GLT1D1: variants seen among roughly 807,000 people sequenced by gnomAD.
GLT1D1 encodes glycosyltransferase 1 domain containing 1.
A neutral mutation model predicts 28.7 loss-of-function variants in GLT1D1; 21 were observed. The observed-to-expected ratio is 0.73, with a 90% CI of 0.52 to 1.05. GLT1D1 has a LOEUF of 1.05. Ranked by LOEUF, GLT1D1 falls within the 50% of genes least tolerant of loss-of-function variation. The pLI is 0.00. For missense variants in GLT1D1, 343 were observed against 330.6 expected, an observed-to-expected ratio of 1.04 and a Z score of -0.29; for synonymous variants, 147 against 124.8, an observed-to-expected ratio of 1.18 and a Z score of -1.19.
intron 4 of GLT1D1, 76 bp from the exon 9 acceptor site, chr12:128,945,250 G>A (rs1875911266): frequency 6.8e-7 from 1 of 1,468,362 alleles, no homozygotes; most frequent in Non-Finnish European, 9.5e-7. Context: ...CAGGGCTTTG[G>A]CCTGGCCCGT....
chr12:128,891,174 A>G (rs1007637444), intron 3 of GLT1D1, among the ~76,000 whole-genome samples: 1 of 152,048 alleles, frequency 6.6e-6, no homozygotes, highest in African/African-American at 2.4e-5. Context: ...AGCAATATGA[A>G]TCTTCCATGA....
intron 4 of GLT1D1, among the ~76,000 whole-genome samples, chr12:128,939,837 A>ACCCC (rs34870104): frequency 1.5e-4 from 15 of 97,618 alleles, no homozygotes; most frequent in African/African-American, 4.7e-4. Flanking sequence ...ATTGTTAGAA[A>ACCCC]CCCCCCCCCA....
chr12:128,984,791 G>C lies in GLT1D1; in HGVS notation c.*1701G>C, dbSNP rs1281244935. 2 of 152,242 alleles carry C rather than the reference G, an allele frequency of 1.3e-5. No homozygotes were observed. The highest frequency in any genetic ancestry group is 2.9e-5 in the Non-Finnish European group (2 of 68,076). 9.4% of individuals were successfully genotyped at this position (152,242 alleles called of 1,614,324 possible). On this transcript the variant is annotated 3_prime_UTR_variant, in exon 8 of 8. Transcript: ENST00000281703. ...ATGATGCTGCTATTTACAAAACACT[G>C]ATCGTCCGAAAGCTTGAATCTGTTC...
chr12:128,873,495 T>C (rs1021504005), intron 1 of GLT1D1, among the ~76,000 whole-genome samples: 1 of 152,204 alleles, frequency 6.6e-6, no homozygotes, highest in Non-Finnish European at 1.5e-5. Flanking sequence ...CCTGGGTGCA[T>C]GCTTTTGCAC....
chr12:128,922,881 C>A (rs1872784351), intron 4 of GLT1D1, among the ~76,000 whole-genome samples: 1 of 146,208 alleles, frequency 6.8e-6, no homozygotes. Context: ...CGAGAACGCA[C>A]CACTGCACTC....
rs937677621 is a variant in GLT1D1 at position 128,864,093 on chromosome 12, G to A, written c.68+10444G>A. The stretch of plus-strand genomic sequence containing the variant: ...CTGTGTGCACTGTGGGCAGGTCCCT[G>A]CACGTGGAATGCTGGCTGATGCCAG... On this transcript the variant is annotated intron_variant, in intron 1 of 7. Coordinates refer to ENST00000281703, the MANE Select transcript of GLT1D1 (RefSeq NM_144669.3). 9.3e-5 allele frequency: 60 copies of A among 648,384 alleles called. No homozygotes were observed. The South Asian group carries it at 9.6e-4, about 10-fold the overall frequency. The allele number at this position is 648,384 out of a possible 1,614,324, so 40.2% of individuals were successfully genotyped here. A position where few individuals can be genotyped will look rare whatever the true frequency, so the allele number is the denominator to read the frequency against.
At chr12:128,912,326 C>CG (rs1224711719) in intron 4 of GLT1D1, 98 bp from the exon 5 acceptor site, 12 of 683,628 alleles carry the variant, frequency 1.8e-5, no homozygotes, top group Non-Finnish European at 2.7e-5. Flanking sequence ...TTTTCCAGGA[C>CG]GGCTTTTTTT....
Position 128,866,194 on chromosome 12 carries a change from G to A in GLT1D1, c.69-9720G>A, listed in dbSNP as rs376250671. Among the ~76,000 whole-genome samples, 29 of 146,680 alleles carry A rather than the reference G, an allele frequency of 2.0e-4. 1 individual carries two copies. The East Asian group carries it at 2.2e-3, about 11-fold the overall frequency. On this transcript the variant is annotated intron_variant, in intron 1 of 7. Transcript: ENST00000281703. The stretch of plus-strand genomic sequence containing the variant: ...TGCCATTCTCTTGCCTCAACCTCCC[G>A]AGTAGCTGGGACTACAGGTGCCTGC...
chr12:128,879,268 C>A (rs1269148674), intron 2 of GLT1D1, among the ~76,000 whole-genome samples: 1 of 152,110 alleles, frequency 6.6e-6, no homozygotes, highest in Non-Finnish European at 1.5e-5. Flanking sequence ...GTATTAAGAC[C>A]AGAATCCATT....
chr12:128,971,867 C>A (rs1223181097), intron 7 of GLT1D1, among the ~76,000 whole-genome samples: 1 of 114,352 alleles, frequency 8.7e-6, no homozygotes, highest in East Asian at 2.6e-4. Context: ...CCCCCTCCCT[C>A]CTCCCTCCCT....
At chr12:128,962,954 C>T (rs1878114335) in intron 7 of GLT1D1, among the ~76,000 whole-genome samples, 1 of 152,146 alleles carries the variant, frequency 6.6e-6, no homozygotes, top group Admixed American at 6.5e-5. Flanking sequence ...CCTGCCTTGG[C>T]CTCCCAAAGT....
intron 4 of GLT1D1, among the ~76,000 whole-genome samples, chr12:128,931,434 A>C (rs1465542901): frequency 6.6e-6 from 1 of 150,532 alleles, no homozygotes; most frequent in Non-Finnish European, 1.5e-5. Flanking sequence ...CAGCCTCCCG[A>C]GTAGCTGGGA....
rs146416082 is a variant in GLT1D1 at position 128,917,790 on chromosome 12, C to T, written c.375+18503C>T. On this transcript the variant is annotated intron_variant, in intron 4 of 7. Coordinates refer to ENST00000281703, the MANE Select transcript of GLT1D1 (RefSeq NM_144669.3). ...CAATGAGATAACATCGCACATCAGT[C>T]AGAATGGCGATTATTAAGAGGCCAA... Among the ~76,000 whole-genome samples, 185 of 152,234 alleles carry T rather than the reference C, an allele frequency of 1.2e-3. No individual in the cohort carries two copies. In the East Asian group the frequency reaches 0.023, roughly 19 times the overall value.
At chr12:128,901,812 A>T (rs941551270) in intron 4 of GLT1D1, among the ~76,000 whole-genome samples, 1 of 150,838 alleles carries the variant, frequency 6.6e-6, no homozygotes, top group Non-Finnish European at 1.5e-5. Context: ...CAGTGGTGCA[A>T]TCATGGCTCA....
intron 4 of GLT1D1, among the ~76,000 whole-genome samples, 192 bp from the exon 6 acceptor site, chr12:128,914,741 A>G (rs886109696): frequency 9.9e-5 from 15 of 152,272 alleles, no homozygotes; most frequent in African/African-American, 1.7e-4. Flanking sequence ...AATCGCTTCA[A>G]ACCGGGAAGA....
At chr12:128,977,358 T>C (rs941805851) in intron 7 of GLT1D1, among the ~76,000 whole-genome samples, 1 of 152,146 alleles carries the variant, frequency 6.6e-6, no homozygotes, top group Non-Finnish European at 1.5e-5. Flanking sequence ...GCATGATTAT[T>C]ATTATTATTT....
intron 1 of GLT1D1, among the ~76,000 whole-genome samples, chr12:128,868,501 G>A (rs1956605246): frequency 1.3e-5 from 2 of 152,040 alleles, no homozygotes; most frequent in South Asian, 2.1e-4. Flanking sequence ...AATGGGAAAC[G>A]CAGGCCTCCG....
At chr12:128,964,511 C>A (rs1878269551) in intron 7 of GLT1D1, among the ~76,000 whole-genome samples, 1 of 152,214 alleles carries the variant, frequency 6.6e-6, no homozygotes, top group African/African-American at 2.4e-5. Context: ...ACATTCACCC[C>A]ACAATATGAC....
intron 4 of GLT1D1, among the ~76,000 whole-genome samples, chr12:128,919,697 T>C (rs1872457610): frequency 1.3e-5 from 2 of 152,244 alleles, no homozygotes; most frequent in Admixed American, 1.3e-4. Flanking sequence ...GATTGGAAGA[T>C]AGATGTGTAG....
Sources: gnomAD v4.1 joint callset for allele counts (sites outside exome capture counted in the v4.1 genomes callset) on GRCh38, gnomAD v4.1.1 for gene constraint, MANE v1.5 for transcripts, NCBI Gene and HGNC (gene_info 2026-07-23, HGNC 2026-07-21) for gene names.